Variants in GABBR2 observed in about 807,000 individuals in gnomAD.
GABBR2 encodes G-protein coupled receptor 51.
GABBR2 carries 23 observed loss-of-function variants against 105.6 expected under a neutral mutation model. The ratio of observed to expected loss-of-function variants is 0.22; its 90% CI spans 0.16 to 0.31. The LOEUF (loss-of-function observed/expected upper bound fraction) is 0.31. Among genes scored for constraint, GABBR2 ranks in the 10% least tolerant of loss-of-function variants. GABBR2 has a pLI of 1.00. For synonymous variants in GABBR2, 478 were observed against 499.7 expected, an observed-to-expected ratio of 0.96 and a Z score of 0.58; for missense variants, 734 against 1,245.5, an observed-to-expected ratio of 0.59 and a Z score of 6.18.
At chr9:98,625,062 G>A (rs930765455) in intron 1 of GABBR2, among the ~76,000 whole-genome samples, 8 of 152,158 alleles carry the variant, frequency 5.3e-5, no homozygotes, top group African/African-American at 1.9e-4. Flanking sequence ...CACAGCCCAA[G>A]CCCAGCCAGG....
chr9:98,481,628 G>C (rs573090697), intron 4 of GABBR2, among the ~76,000 whole-genome samples: 1 of 152,116 alleles, frequency 6.6e-6, no homozygotes, highest in African/African-American at 2.4e-5. Flanking sequence ...GCCTCTGGTC[G>C]CTCCTTTTCC....
chr9:98,470,120 A>G lies in GABBR2; in HGVS notation c.999+3026T>C, dbSNP rs370924611. Among the ~76,000 whole-genome samples the G allele has an allele frequency of 7.2e-5, 11 of 152,342 alleles. No homozygotes were observed. The East Asian group carries it at 1.2e-3, about 16-fold the overall frequency. On this transcript the variant is annotated intron_variant, in intron 6 of 18. Coordinates refer to ENST00000259455, the MANE Select transcript of GABBR2 (RefSeq NM_005458.8). ...ACAAAGGCAAGTGCAACAAAGGAAC[A>G]GGCTGAGCATGGGGAGGGGTTTGAT...
intron 1 of GABBR2, among the ~76,000 whole-genome samples, chr9:98,670,070 G>A (rs1238666079): frequency 1.3e-5 from 2 of 152,150 alleles, no homozygotes; most frequent in African/African-American, 2.4e-5. Context: ...ATGAGGGCCA[G>A]GCAGAAGGGC....
chr9:98,515,530 CCCCTTTCTTGGCTT>C (rs1827740371), intron 3 of GABBR2, among the ~76,000 whole-genome samples: 1 of 152,100 alleles, frequency 6.6e-6, no homozygotes, highest in African/African-American at 2.4e-5. Context: ...ATTTGCAAAC[CCCCTTTCTTGGCTT>C]CCACTGGCTC....
At chr9:98,467,405 G>A (rs1366541240) in intron 6 of GABBR2, among the ~76,000 whole-genome samples, 4 of 152,204 alleles carry the variant, frequency 2.6e-5, no homozygotes, top group African/African-American at 9.6e-5. Context: ...CCTTCTCCCA[G>A]TGTCATGAGT....
At chr9:98,537,939 A>G (rs1828213417) in intron 3 of GABBR2, among the ~76,000 whole-genome samples, 1 of 152,202 alleles carries the variant, frequency 6.6e-6, no homozygotes, top group South Asian at 2.1e-4. Context: ...AACACAATGC[A>G]GGAAGCCTCA....
intron 7 of GABBR2, among the ~76,000 whole-genome samples, chr9:98,442,265 T>C (rs1335604576): frequency 6.6e-6 from 1 of 152,206 alleles, no homozygotes; most frequent in African/African-American, 2.4e-5. Context: ...GCTTCAGCCT[T>C]GCCTCTTACT....
chr9:98,688,582 TGC>T (rs1364617683), intron 1 of GABBR2, among the ~76,000 whole-genome samples: 1 of 152,172 alleles, frequency 6.6e-6, no homozygotes, highest in Non-Finnish European at 1.5e-5. Flanking sequence ...AATTCACATT[TGC>T]TAGGACCTAG....
At chr9:98,542,393 C>T (rs1422931743) in intron 2 of GABBR2, among the ~76,000 whole-genome samples, 1 of 152,142 alleles carries the variant, frequency 6.6e-6, no homozygotes, top group Non-Finnish European at 1.5e-5. Flanking sequence ...AACTGTTTTT[C>T]CCCATTTAAC....
chr9:98,573,012 T>C (rs1330905429), intron 2 of GABBR2, among the ~76,000 whole-genome samples: 1 of 152,210 alleles, frequency 6.6e-6, no homozygotes, highest in Non-Finnish European at 1.5e-5. Flanking sequence ...AGGTGGAGGC[T>C]GAGATTCTGC....
At chr9:98,654,296 A>G (rs1830150594) in intron 1 of GABBR2, among the ~76,000 whole-genome samples, 1 of 152,228 alleles carries the variant, frequency 6.6e-6, no homozygotes, top group African/African-American at 2.4e-5. Flanking sequence ...CACCTGGTAC[A>G]CAGCCTTGTC....
intron 7 of GABBR2, among the ~76,000 whole-genome samples, chr9:98,408,409 C>T (rs1354131638): frequency 1.3e-5 from 2 of 152,288 alleles, no homozygotes; most frequent in Non-Finnish European, 2.9e-5. Context: ...ATCAGGGTCA[C>T]CATGGCATCT....
chr9:98,489,761 G>A (rs1292187939), intron 4 of GABBR2, among the ~76,000 whole-genome samples: 1 of 151,908 alleles, frequency 6.6e-6, no homozygotes, highest in Non-Finnish European at 1.5e-5. Context: ...AGACACCAAG[G>A]CAGGGACGGA....
At chr9:98,420,836 G>A (rs1336077208) in intron 7 of GABBR2, among the ~76,000 whole-genome samples, 2 of 152,196 alleles carry the variant, frequency 1.3e-5, no homozygotes, top group South Asian at 2.1e-4. Context: ...TAGGCAGAGA[G>A]TAGGAAGCAG....
At chr9:98,637,187 C>A (rs1013597179) in intron 1 of GABBR2, among the ~76,000 whole-genome samples, 3 of 152,142 alleles carry the variant, frequency 2.0e-5, no homozygotes, top group African/African-American at 7.2e-5. Flanking sequence ...AAAATCTAAT[C>A]CTTCTGTGAC....
At chr9:98,599,210 T>C (rs1279678243) in intron 1 of GABBR2, among the ~76,000 whole-genome samples, 1 of 152,154 alleles carries the variant, frequency 6.6e-6, no homozygotes, top group Non-Finnish European at 1.5e-5. Flanking sequence ...AAGACTGACA[T>C]GGCATGACCC....
At chr9:98,554,335 G>A (rs372223716) in intron 2 of GABBR2, among the ~76,000 whole-genome samples, 255 of 152,032 alleles carry the variant, frequency 1.7e-3, no homozygotes, top group African/African-American at 5.8e-3. Flanking sequence ...ACTCCAGCCT[G>A]AGCGAGAGTG....
intron 11 of GABBR2, among the ~76,000 whole-genome samples, chr9:98,377,833 GT>G (rs757359191): frequency 8.5e-5 from 13 of 152,162 alleles, no homozygotes; most frequent in Non-Finnish European, 1.2e-4. Context: ...CAGGACTCCA[GT>G]TGGCCCAATC....
intron 1 of GABBR2, among the ~76,000 whole-genome samples, chr9:98,606,241 C>T (rs1043381361): frequency 2.6e-5 from 4 of 152,136 alleles, no homozygotes; most frequent in Admixed American, 1.3e-4. Flanking sequence ...CATACGTGTG[C>T]GTGTGTCTTT....
Sources: allele counts gnomAD v4.1 joint callset (sites outside exome capture counted in the v4.1 genomes callset), GRCh38; gene constraint gnomAD v4.1.1; transcripts MANE v1.5; gene names NCBI Gene and HGNC (gene_info 2026-07-23, HGNC 2026-07-21).